BMPR2: variants seen among roughly 807,000 people sequenced by gnomAD.
The protein encoded by BMPR2 is bone morphogenetic protein receptor type 2.
BMPR2 carries 29 observed loss-of-function variants against 100.8 expected under a neutral mutation model. The ratio of observed to expected loss-of-function variants is 0.29; its 90% CI spans 0.21 to 0.39. BMPR2 has a LOEUF of 0.39. Ranked by LOEUF, BMPR2 falls within the 10% of genes least tolerant of loss-of-function variation. The pLI is 1.00. For synonymous variants in BMPR2, 382 were observed against 442.3 expected, an observed-to-expected ratio of 0.86 and a Z score of 1.71; for missense variants, 1,011 against 1,274.5, an observed-to-expected ratio of 0.79 and a Z score of 3.15.
intron 3 of BMPR2, among the ~76,000 whole-genome samples, chr2:202,480,818 G>T (rs1302127250): frequency 6.6e-6 from 1 of 151,746 alleles, no homozygotes; most frequent in East Asian, 2.0e-4. Flanking sequence ...AGCCAGGCGT[G>T]GTGGCATGTG....
At chr2:202,479,313 C>T (rs1361586663) in intron 3 of BMPR2, among the ~76,000 whole-genome samples, 1 of 152,174 alleles carries the variant, frequency 6.6e-6, no homozygotes. Flanking sequence ...TGAGTGAGCT[C>T]AGCGATAGAT....
At chr2:202,487,731 G>T (rs1692806345) in intron 3 of BMPR2, among the ~76,000 whole-genome samples, 1 of 152,214 alleles carries the variant, frequency 6.6e-6, no homozygotes, top group Non-Finnish European at 1.5e-5. Context: ...TTATTAAAAT[G>T]ATTGCAGAAT....
chr2:202,411,704 T>C (rs570186987), intron 1 of BMPR2, among the ~76,000 whole-genome samples: 5 of 152,308 alleles, frequency 3.3e-5, no homozygotes, highest in African/African-American at 1.2e-4. Flanking sequence ...CCTGATGCAG[T>C]GCACTGAGAA....
In BMPR2 at chr2:202,556,720, G is replaced by C. The variant is rs111605810; in HGVS notation, c.2866+189G>C. On this transcript the variant is annotated intron_variant, in intron 12 of 12. Coordinates refer to ENST00000374580, the MANE Select transcript of BMPR2 (RefSeq NM_001204.7). ...CTAGCACTTTGGGAGGCCAAGGGAG[G>C]TGGATCACCTGAGGTCAGGAGTTCA... Among the ~76,000 whole-genome samples, 5,618 of 152,250 alleles carry C rather than the reference G, an allele frequency of 0.037. 358 individuals are homozygous for C. Among genetic ancestry groups the C allele is most frequent in the African/African-American group, 0.13 (5,332 of 41,514 alleles).
chr2:202,465,397 A>C (rs1692299951), intron 2 of BMPR2, among the ~76,000 whole-genome samples: 1 of 152,088 alleles, frequency 6.6e-6, no homozygotes, highest in African/African-American at 2.4e-5. Context: ...CAAAGAAAAA[A>C]AAAGTGTGTG....
At chr2:202,535,056 C>A (rs1204115877) in intron 9 of BMPR2, among the ~76,000 whole-genome samples, 1 of 143,656 alleles carries the variant, frequency 7.0e-6, no homozygotes, top group African/African-American at 2.6e-5. Flanking sequence ...ACCTCCCTCC[C>A]GGACAGGTCG....
chr2:202,400,660 A>G (rs1690753835), intron 1 of BMPR2, among the ~76,000 whole-genome samples: 1 of 152,120 alleles, frequency 6.6e-6, no homozygotes, highest in African/African-American at 2.4e-5. Context: ...AGAGTTTTAA[A>G]ATTTATGTTT....
chr2:202,505,790 C>G (rs1194846565), intron 3 of BMPR2, among the ~76,000 whole-genome samples: 1 of 152,198 alleles, frequency 6.6e-6, no homozygotes, highest in East Asian at 1.9e-4. Flanking sequence ...CACTAAACTA[C>G]TTTACCACTG....
intron 3 of BMPR2, among the ~76,000 whole-genome samples, chr2:202,478,848 C>T (rs1006101861): frequency 6.6e-6 from 1 of 152,126 alleles, no homozygotes; most frequent in African/African-American, 2.4e-5. Flanking sequence ...ATTACCTGAG[C>T]CCAGGAAGTC....
At chr2:202,410,041 G>A (rs1014266669) in intron 1 of BMPR2, among the ~76,000 whole-genome samples, 7 of 151,974 alleles carry the variant, frequency 4.6e-5, no homozygotes, top group Admixed American at 2.6e-4. Context: ...CTGGAGTGCA[G>A]TGGCACGGTC....
intron 1 of BMPR2, among the ~76,000 whole-genome samples, chr2:202,389,121 A>G (rs1442010724): frequency 1.3e-5 from 2 of 152,036 alleles, no homozygotes; most frequent in Non-Finnish European, 2.9e-5. Flanking sequence ...GCTACTTGGG[A>G]GGCTGAGGTG....
At chr2:202,383,239 C>G (rs974122175) in intron 1 of BMPR2, among the ~76,000 whole-genome samples, 2 of 152,054 alleles carry the variant, frequency 1.3e-5, no homozygotes, top group Non-Finnish European at 2.9e-5. Flanking sequence ...GAGACCAGCC[C>G]TGCTGTACAA....
chr2:202,527,565 C>T (rs1462338224), intron 7 of BMPR2, among the ~76,000 whole-genome samples: 1 of 148,032 alleles, frequency 6.8e-6, no homozygotes, highest in African/African-American at 2.5e-5. Flanking sequence ...GCGGGTGGAT[C>T]ATGAGGTCAG....
At chr2:202,518,716 G>A in intron 5 of BMPR2, 106 bp from the exon 6 acceptor site, 1 of 931,296 alleles carries the variant, frequency 1.1e-6, no homozygotes, top group Non-Finnish European at 1.7e-6. Context: ...TAAACTGTAA[G>A]CAACAGAGAG....
At chr2:202,547,521 G>A (rs551565506) in intron 10 of BMPR2, among the ~76,000 whole-genome samples, 4 of 152,190 alleles carry the variant, frequency 2.6e-5, no homozygotes, top group African/African-American at 9.6e-5. Flanking sequence ...GGTGGCTCAC[G>A]CCTGTAATCC....
intron 3 of BMPR2, among the ~76,000 whole-genome samples, chr2:202,504,182 G>T (rs1034239924): frequency 6.6e-6 from 1 of 151,452 alleles, no homozygotes. Flanking sequence ...GAATAAAAGC[G>T]GGCTGCCCGA....
chr2:202,488,241 G>A (rs1265417157), intron 3 of BMPR2, among the ~76,000 whole-genome samples: 1 of 152,060 alleles, frequency 6.6e-6, no homozygotes, highest in Non-Finnish European at 1.5e-5. Context: ...AGGAATATGG[G>A]TAGATTGGAA....
At chr2:202,451,515 A>G (rs1014268891) in intron 1 of BMPR2, among the ~76,000 whole-genome samples, 2 of 152,134 alleles carry the variant, frequency 1.3e-5, no homozygotes, top group Admixed American at 6.5e-5. Context: ...CCTGGCCAAC[A>G]TGGCAAAACC....
At chr2:202,542,854 G>T (rs1674663145) in intron 10 of BMPR2, among the ~76,000 whole-genome samples, 1 of 152,092 alleles carries the variant, frequency 6.6e-6, no homozygotes, top group African/African-American at 2.4e-5. Flanking sequence ...AAAAACCAAG[G>T]CGCAGCCTAT....
Sources: allele counts gnomAD v4.1 joint callset (sites outside exome capture counted in the v4.1 genomes callset), GRCh38; gene constraint gnomAD v4.1.1; transcripts MANE v1.5; gene names NCBI Gene and HGNC (gene_info 2026-07-23, HGNC 2026-07-21).